THRB: variants seen among roughly 807,000 people sequenced by gnomAD.
THRB encodes thyroid hormone receptor beta.
A neutral mutation model predicts 47.8 loss-of-function variants in THRB; 12 were observed. The observed-to-expected ratio is 0.25, with a 90% CI of 0.16 to 0.41. The LOEUF (loss-of-function observed/expected upper bound fraction) is 0.41, where lower values mean the gene tolerates loss of function less well. THRB is among the 10% of genes least tolerant of loss of function. THRB has a pLI of 1.00. For missense variants in THRB, 348 were observed against 589.2 expected (o/e 0.59, Z 4.24); for synonymous variants, 218 against 212.2 (o/e 1.03, Z -0.24).
chr3:24,153,855 T>C (rs2037393900), intron 5 of THRB, among the ~76,000 whole-genome samples: 1 of 152,184 alleles, frequency 6.6e-6, no homozygotes, highest in South Asian at 2.1e-4. Context: ...ATGAAGTTTT[T>C]TGACTCAGTT....
chr3:24,423,746 G>T (rs1170838697), intron 1 of THRB, among the ~76,000 whole-genome samples: 1 of 151,734 alleles, frequency 6.6e-6, no homozygotes, highest in African/African-American at 2.4e-5. Context: ...ATGTTAATCA[G>T]TACTTTTTAT....
At chr3:24,155,273 T>C (rs2037641793) in intron 5 of THRB, among the ~76,000 whole-genome samples, 1 of 152,240 alleles carries the variant, frequency 6.6e-6, no homozygotes, top group Non-Finnish European at 1.5e-5. Context: ...ATCTTCTTCA[T>C]GGGTGGAGGT....
In THRB at chr3:24,123,030, C is replaced by T. The variant is rs368873640; in HGVS notation, c.1240G>A (p.Val414Met). The change falls in exon 11 of 11, where the codon GTG (valine) becomes ATG (methionine). Residue 414 changes from valine (V) to methionine (M), a missense_variant. By Grantham distance (21) the Val-to-Met change is conservative. Around this residue, in one of 5 missense-constraint regions of THRB, gnomAD observed 36 missense variants for 51.7 expected, o/e 0.70. Transcript: ENST00000646209. ...AGGAGTTTTGGCCAAAAGTGTGTCA[C>T]GTGGTGTTTTCGGTAATTGATATAG... Reference protein sequence around the residue: ...EHYINYRKHHVTHFWPKLLMK... With the variant: ...EHYINYRKHHMTHFWPKLLMK... The T allele has an allele frequency of 6.2e-6, 10 of 1,614,136 alleles. No homozygotes were observed. Among genetic ancestry groups the T allele is most frequent in the Admixed American group, 3.3e-5 (2 of 60,024 alleles).
chr3:24,397,535 T>C lies in THRB; in HGVS notation c.-260-60164A>G, dbSNP rs759438498. 2.6e-4 allele frequency among the ~76,000 whole-genome samples: 40 copies of C among 152,048 alleles called. No homozygotes were observed. The Middle Eastern group carries it at 0.017, about 65-fold the overall frequency. On this transcript the variant is annotated intron_variant, in intron 1 of 10. Coordinates refer to ENST00000646209, the MANE Select transcript of THRB (RefSeq NM_001354712.2). Reference sequence around the variant, plus strand: ...CTTGCAGTCACAGAGTAATTTTTATTAGCATTAACATAGACAATCAAGCTG... The same window carrying C: ...CTTGCAGTCACAGAGTAATTTTTATCAGCATTAACATAGACAATCAAGCTG...
At chr3:24,490,392 C>T (rs1178559091) in intron 1 of THRB, among the ~76,000 whole-genome samples, 3 of 152,204 alleles carry the variant, frequency 2.0e-5, no homozygotes, top group South Asian at 2.1e-4. Context: ...AATCCAAGTC[C>T]AAATATGACA....
intron 1 of THRB, chr3:24,486,288 A>G (rs1335306889): frequency 6.6e-6 from 1 of 152,188 alleles, no homozygotes; most frequent in Non-Finnish European, 1.5e-5. Flanking sequence ...CTCTGCTGAG[A>G]AACACTACTC....
At chr3:24,380,126 T>G (rs529753059) in intron 1 of THRB, among the ~76,000 whole-genome samples, 1 of 147,386 alleles carries the variant, frequency 6.8e-6, no homozygotes, top group Non-Finnish European at 1.5e-5. Flanking sequence ...GAACAACAGG[T>G]TTAAACTTGA....
At chr3:24,246,100 AC>A (rs1332813339) in intron 3 of THRB, among the ~76,000 whole-genome samples, 3 of 152,120 alleles carry the variant, frequency 2.0e-5, no homozygotes, top group Non-Finnish European at 4.4e-5. Context: ...CATGTCCCTT[AC>A]GGAGATGTTG....
intron 2 of THRB, among the ~76,000 whole-genome samples, chr3:24,300,408 C>T (rs190259662): frequency 8.5e-5 from 13 of 152,196 alleles, no homozygotes; most frequent in African/African-American, 2.7e-4. Context: ...CCATGATACA[C>T]GTGCACCACA....
At chr3:24,374,772 A>T (rs2065156807) in intron 1 of THRB, among the ~76,000 whole-genome samples, 1 of 152,112 alleles carries the variant, frequency 6.6e-6, no homozygotes, top group Admixed American at 6.6e-5. Context: ...GATGATGTGT[A>T]CTAAGAGAAA....
intron 1 of THRB, among the ~76,000 whole-genome samples, chr3:24,467,895 G>GA (rs34242505): frequency 0.51 from 77,799 of 152,048 alleles, 19,952 homozygotes; most frequent in South Asian, 0.56. Context: ...TTGAAGATTT[G>GA]AACCAGGCAT....
rs2031342846 is a variant in THRB at position 24,119,845 on chromosome 3, A to G, written c.*3039T>C. 1 of 152,294 alleles carries G rather than the reference A, an allele frequency of 6.6e-6. No individual in the cohort carries two copies. The highest frequency in any genetic ancestry group is 1.5e-5 in the Non-Finnish European group (1 of 68,052). The allele number at this position is 152,294 out of a possible 1,614,324, so 9.4% of individuals were successfully genotyped here. On this transcript the variant is annotated 3_prime_UTR_variant, in exon 11 of 11. Transcript: ENST00000646209. ...AATACTGCACGTCTAAATTGAGCAA[A>G]GTACACTTGAGGGTCACACACGCAC...
At chr3:24,274,723 C>T (rs1377315239) in intron 3 of THRB, among the ~76,000 whole-genome samples, 2 of 152,158 alleles carry the variant, frequency 1.3e-5, no homozygotes, top group Non-Finnish European at 2.9e-5. Context: ...ATTTGGTTCA[C>T]TACCTCAATG....
At position 24,121,772 on chromosome 3, in the gene THRB, G is replaced by A. The variant is rs1456580582; in HGVS notation, c.*1112C>T. On this transcript the variant is annotated 3_prime_UTR_variant, in exon 11 of 11. Transcript: ENST00000646209. The stretch of plus-strand genomic sequence containing the variant: ...GAGACATTTGTCAATGAGGCAAGGA[G>A]CTTGAGGATCTAACCAGGAGGAAGC... The A allele has an allele frequency of 1.3e-5, 2 of 152,334 alleles. No individual in the cohort carries two copies. Among genetic ancestry groups the A allele is most frequent in the Admixed American group, 6.5e-5 (1 of 15,282 alleles). The allele number at this position is 152,334 out of a possible 1,614,324, so 9.4% of individuals were successfully genotyped here.
intron 3 of THRB, among the ~76,000 whole-genome samples, chr3:24,245,407 T>C (rs781179703): frequency 7.9e-5 from 12 of 152,106 alleles, no homozygotes; most frequent in Non-Finnish European, 1.2e-4. Context: ...CTGACAGATA[T>C]TGACTGGTAG....
intron 8 of THRB, among the ~76,000 whole-genome samples, chr3:24,142,483 C>T (rs948175720): frequency 6.6e-6 from 1 of 152,212 alleles, no homozygotes. Flanking sequence ...GATCCACTAT[C>T]TCATTGTAAT....
At chr3:24,264,131 T>A (rs141722466) in intron 3 of THRB, among the ~76,000 whole-genome samples, 1 of 152,278 alleles carries the variant, frequency 6.6e-6, no homozygotes, top group East Asian at 1.9e-4. Context: ...CCTGATTGCA[T>A]CTCTGGCTGT....
chr3:24,352,719 T>C (rs2063430614), intron 1 of THRB, among the ~76,000 whole-genome samples: 1 of 152,036 alleles, frequency 6.6e-6, no homozygotes, highest in African/African-American at 2.4e-5. Flanking sequence ...ACACACAAAA[T>C]ATGAATTCAA....
Position 24,418,246 on chromosome 3 carries a change from TA to T in THRB, c.-261+76405del, listed in dbSNP as rs60359598. On this transcript the variant is annotated intron_variant, in intron 1 of 10. Transcript: ENST00000646209. ...ATTCACATGTCAAGGGTATAGGGAT[TA>T]AAAAAAAAAAAACCTGTATTTCTGT... Among the ~76,000 whole-genome samples the T allele has an allele frequency of 1.0e-3, 146 of 144,950 alleles. 1 individual carries two copies. Among genetic ancestry groups the T allele is most frequent in the East Asian group, 4.5e-3 (22 of 4,888 alleles).
Sources: gnomAD v4.1 joint callset for allele counts (sites outside exome capture counted in the v4.1 genomes callset) on GRCh38, gnomAD v4.1.1 for gene constraint, gnomAD v4.1.1 regional missense constraint, MANE v1.5 for transcripts, NCBI Gene and HGNC (gene_info 2026-07-23, HGNC 2026-07-21) for gene names.